GPC3: variants seen among roughly 807,000 people sequenced by gnomAD.
GPC3 encodes the protein glypican 3, also known as glypican-3.
A neutral mutation model predicts 34.4 loss-of-function variants in GPC3; 3 were observed. The observed-to-expected ratio is 0.09, with a 90% confidence interval of 0.04 to 0.23. GPC3 has a LOEUF of 0.23. Ranked by LOEUF, GPC3 falls within the 10% of genes least tolerant of loss-of-function variation. The pLI is 1.00. For synonymous variants in GPC3, 177 were observed against 174.0 expected, an observed-to-expected ratio of 1.02 and a Z score of -0.13; for missense variants, 351 against 445.6, an observed-to-expected ratio of 0.79 and a Z score of 1.91.
chrX:133,893,125 C>T (rs755892768), intron 2 of GPC3, among the ~76,000 whole-genome samples: 10 of 110,829 alleles, frequency 9.0e-5, no homozygotes, highest in Non-Finnish European at 1.9e-4. Flanking sequence ...GACGTAGTGG[C>T]GGGCACCTGT....
chrX:133,601,665 T>C (rs113233668), intron 6 of GPC3, among the ~76,000 whole-genome samples: 43 of 112,259 alleles, frequency 3.8e-4, no homozygotes, highest in African/African-American at 1.4e-3. Flanking sequence ...ACATAACTCT[T>C]TCCATATTTT....
At chrX:133,956,667 A>C (rs1409615315) in intron 1 of GPC3, among the ~76,000 whole-genome samples, 1 of 112,183 alleles carries the variant, frequency 8.9e-6, no homozygotes, top group Non-Finnish European at 1.9e-5. Flanking sequence ...GTGTTTCTAA[A>C]TTTGCATTGA....
chrX:133,904,345 A>G (rs1686241720), intron 2 of GPC3, among the ~76,000 whole-genome samples: 1 of 111,764 alleles, frequency 8.9e-6, no homozygotes, highest in South Asian at 3.8e-4. Flanking sequence ...TCTGTGAAAC[A>G]AGGTCTCTCC....
chrX:133,589,725 T>C (rs769290346), intron 7 of GPC3, among the ~76,000 whole-genome samples: 78 of 111,625 alleles, frequency 7.0e-4, no homozygotes, highest in Non-Finnish European at 1.2e-3. Flanking sequence ...CCATTAAACC[T>C]GTTTCCTTTA....
intron 2 of GPC3, among the ~76,000 whole-genome samples, chrX:133,900,073 G>A (rs1603268569): frequency 8.9e-6 from 1 of 111,949 alleles, no homozygotes; most frequent in Non-Finnish European, 1.9e-5. Flanking sequence ...AAAGTGCTGG[G>A]ATTACAGGCA....
At chrX:133,652,618 T>C (rs928372576) in intron 6 of GPC3, among the ~76,000 whole-genome samples, 1 of 111,679 alleles carries the variant, frequency 9.0e-6, no homozygotes, top group Non-Finnish European at 1.9e-5. Context: ...AAAGAATTAA[T>C]CTCATTATTA....
intron 2 of GPC3, among the ~76,000 whole-genome samples, chrX:133,927,472 A>G (rs1448751777): frequency 9.2e-6 from 1 of 108,582 alleles, no homozygotes; most frequent in Non-Finnish European, 1.9e-5. Flanking sequence ...TAAAGGGGGG[A>G]CTTTCACTTT....
intron 2 of GPC3, among the ~76,000 whole-genome samples, chrX:133,779,414 C>T (rs1265347627): frequency 1.8e-5 from 2 of 112,121 alleles, no homozygotes; most frequent in African/African-American, 3.2e-5. Context: ...GGTTCCTCCA[C>T]ATGCTAGTTG....
chrX:133,783,804 A>G (rs2072074661), intron 2 of GPC3, among the ~76,000 whole-genome samples: 1 of 112,708 alleles, frequency 8.9e-6, no homozygotes, highest in Non-Finnish European at 1.9e-5. Context: ...ATTGCATTTG[A>G]ATCCTTGGAA....
chrX:133,596,567 T>C lies in GPC3; in HGVS notation c.1446A>G (p.Arg482=). 8.3e-7 allele frequency: 1 copy of C among 1,210,799 alleles called. No individual in the cohort carries two copies. Among genetic ancestry groups the C allele is most frequent in the Middle Eastern group, 2.3e-4 (1 of 4,346 alleles). ...CCTCATCCAGGTTTTTATCCAGAAC[T>C]CTACCTTTGGGCATAGACATGGTTC... ...LLRTMSMPKG[R]VLDKNLDEEG... The change falls in exon 7 of 8, where the codon AGA becomes AGG. Residue 482 remains arginine, a synonymous_variant. Transcript: ENST00000370818.
At chrX:133,604,547 G>A (rs963134763) in intron 6 of GPC3, among the ~76,000 whole-genome samples, 2 of 111,254 alleles carry the variant, frequency 1.8e-5, no homozygotes, top group Non-Finnish European at 3.8e-5. Context: ...TCAGACAGCT[G>A]GTTAGTACAG....
intron 3 of GPC3, among the ~76,000 whole-genome samples, chrX:133,731,959 G>A (rs73563290): frequency 0.04 from 4,500 of 112,074 alleles, 231 homozygotes; most frequent in African/African-American, 0.14. Context: ...TGAGTATTTT[G>A]TTCTTCCTCT....
chrX:133,614,109 A>G (rs2124350382), intron 6 of GPC3, among the ~76,000 whole-genome samples: 1 of 111,677 alleles, frequency 9.0e-6, no homozygotes, highest in Non-Finnish European at 1.9e-5. Context: ...AAATCTGCAG[A>G]GTCATGTGGG....
At chrX:133,860,324 G>A (rs1267756737) in intron 2 of GPC3, among the ~76,000 whole-genome samples, 2 of 110,479 alleles carry the variant, frequency 1.8e-5, no homozygotes, top group Non-Finnish European at 1.9e-5. Context: ...TTCCCACTTC[G>A]AAACACTCAC....
At chrX:133,741,464 G>A (rs974231039) in intron 3 of GPC3, among the ~76,000 whole-genome samples, 4 of 111,189 alleles carry the variant, frequency 3.6e-5, no homozygotes, top group African/African-American at 1.3e-4. Flanking sequence ...AATAACTTCT[G>A]GCTCCCCATC....
intron 6 of GPC3, among the ~76,000 whole-genome samples, chrX:133,599,161 A>G (rs1334962232): frequency 1.8e-5 from 2 of 112,090 alleles, no homozygotes; most frequent in African/African-American, 6.5e-5. Context: ...CACAGCTCAA[A>G]TTTCTCACAA....
intron 6 of GPC3, among the ~76,000 whole-genome samples, chrX:133,657,240 C>T (rs141627215): frequency 0.016 from 1,765 of 111,509 alleles, 30 homozygotes; most frequent in African/African-American, 0.054. Context: ...TTAGGGACTA[C>T]TAAATTAGCA....
In GPC3 at chrX:133,636,670, G is replaced by GTAAA. The variant is rs774381424; in HGVS notation, c.1413+25056_1413+25059dup. 1.1e-3 allele frequency among the ~76,000 whole-genome samples: 120 copies of GTAAA among 111,065 alleles called. 1 individual carries two copies. Among genetic ancestry groups the GTAAA allele is most frequent in the African/African-American group, 3.6e-3 (111 of 30,578 alleles). ...CAACAGAGCGAGACTCTGTCTCAAA[G>GTAAA]TAAATAAATAAATAAATAGCCACAG... On this transcript the variant is annotated intron_variant, in intron 6 of 7. Transcript: ENST00000370818.
At chrX:133,577,801 T>C (rs1476375516) in intron 7 of GPC3, among the ~76,000 whole-genome samples, 1 of 111,601 alleles carries the variant, frequency 9.0e-6, no homozygotes, top group Non-Finnish European at 1.9e-5. Flanking sequence ...ATCCTTTGGT[T>C]TCCAAAACAT....
Sources: gnomAD v4.1 joint callset for allele counts (sites outside exome capture counted in the v4.1 genomes callset) on GRCh38, gnomAD v4.1.1 for gene constraint, MANE v1.5 for transcripts, NCBI Gene and HGNC (gene_info 2026-07-23, HGNC 2026-07-21) for gene names.